Variants in TEX11 observed in about 807,000 individuals in gnomAD.
TEX11 encodes the protein testis expressed 11.
In TEX11, 7 loss-of-function variants were observed where a neutral mutation model predicts 84.4. The observed-to-expected ratio is 0.08, with a 90% confidence interval of 0.05 to 0.16. TEX11 has a LOEUF of 0.16. Among genes scored for constraint, TEX11 ranks in the 10% least tolerant of loss-of-function variants. The pLI is 1.00. For missense variants in TEX11, 551 were observed against 660.5 expected (o/e 0.83, Z 1.82); for synonymous variants, 264 against 222.8 (o/e 1.18, Z -1.64).
At chrX:70,896,151 A>G (rs745689560) in intron 2 of TEX11, among the ~76,000 whole-genome samples, 3 of 112,550 alleles carry the variant, frequency 2.7e-5, no homozygotes, top group Non-Finnish European at 5.6e-5. Flanking sequence ...TCCAGAATCT[A>G]CAAGGACCTT....
At chrX:70,649,589 A>T (rs751753709) in intron 17 of TEX11, among the ~76,000 whole-genome samples, 2 of 111,843 alleles carry the variant, frequency 1.8e-5, no homozygotes, top group African/African-American at 6.5e-5. Flanking sequence ...CCACTCCTAG[A>T]TATTTACCCT....
At chrX:70,726,805 A>G (rs746034405) in intron 11 of TEX11, among the ~76,000 whole-genome samples, 1 of 108,469 alleles carries the variant, frequency 9.2e-6, no homozygotes, top group Non-Finnish European at 1.9e-5. Context: ...TGCAGGGATT[A>G]CAGGCATGAG....
intron 13 of TEX11, among the ~76,000 whole-genome samples, chrX:70,711,602 C>T (rs1418645283): frequency 8.0e-5 from 9 of 111,834 alleles, no homozygotes; most frequent in South Asian, 3.7e-4. Flanking sequence ...GAGAAGTGTC[C>T]ATTCATATCC....
intron 9 of TEX11, among the ~76,000 whole-genome samples, chrX:70,752,619 C>G (rs966294560): frequency 9.2e-6 from 1 of 108,420 alleles, no homozygotes; most frequent in Admixed American, 9.9e-5. Flanking sequence ...AAAATATTCA[C>G]CTAAGATCAG....
chrX:70,644,907 A>G (rs1194262085), intron 17 of TEX11, among the ~76,000 whole-genome samples: 1 of 107,325 alleles, frequency 9.3e-6, no homozygotes, highest in African/African-American at 3.4e-5. Context: ...ATGTACCCTA[A>G]AACTTAAAGT....
chrX:70,707,500 C>T (rs1014200424), intron 13 of TEX11, among the ~76,000 whole-genome samples: 4 of 110,483 alleles, frequency 3.6e-5, no homozygotes, highest in Non-Finnish European at 7.6e-5. Context: ...TTTCTAAGAC[C>T]CCACCTCCTC....
intron 14 of TEX11, among the ~76,000 whole-genome samples, chrX:70,679,548 G>A (rs1446777275): frequency 3.6e-5 from 4 of 110,254 alleles, no homozygotes; most frequent in Admixed American, 9.5e-5. Context: ...GTCTCTGCCC[G>A]GCCGCCCCGT....
intron 15 of TEX11, among the ~76,000 whole-genome samples, chrX:70,677,005 T>A (rs2147646727): frequency 8.9e-6 from 1 of 112,433 alleles, no homozygotes; most frequent in East Asian, 2.8e-4. Flanking sequence ...CTGTTAATGC[T>A]AACTTCTATG....
chrX:70,897,630 AGGAAGGAAGGAAGGAAGGAAGG>A, intron 2 of TEX11: 2 of 88,169 alleles, frequency 2.3e-5, no homozygotes, highest in Admixed American at 2.7e-4. Context: ...GAAGGAAGGA[AGGAAGGAAGGAAGGAAGGAAGG>A]AAGGAAGGAA....
At chrX:70,701,277 T>G (rs981812270) in intron 13 of TEX11, among the ~76,000 whole-genome samples, 1 of 112,256 alleles carries the variant, frequency 8.9e-6, no homozygotes, top group African/African-American at 3.2e-5. Context: ...CACTCTCTTG[T>G]TAGAGACTAA....
intron 9 of TEX11, among the ~76,000 whole-genome samples, chrX:70,745,306 G>A (rs1020828233): frequency 2.3e-4 from 25 of 110,285 alleles, no homozygotes; most frequent in African/African-American, 8.3e-4. Context: ...TAGTTTCAAG[G>A]TTTCAAAACC....
At chrX:70,811,226 C>T (rs1426806150) in intron 8 of TEX11, among the ~76,000 whole-genome samples, 1 of 102,804 alleles carries the variant, frequency 9.7e-6, no homozygotes, top group Non-Finnish European at 2.0e-5. Context: ...CTTCCTGTGT[C>T]CAAGTGTTCT....
At chrX:70,818,115 C>T (rs1343084592) in intron 8 of TEX11, among the ~76,000 whole-genome samples, 1 of 110,933 alleles carries the variant, frequency 9.0e-6, no homozygotes, top group Non-Finnish European at 1.9e-5. Context: ...ATGGCGAAAC[C>T]CCATCTCTAT....
At chrX:70,644,652 C>T (rs2089715876) in intron 17 of TEX11, among the ~76,000 whole-genome samples, 1 of 94,381 alleles carries the variant, frequency 1.1e-5, no homozygotes, top group Non-Finnish European at 2.1e-5. Flanking sequence ...AATCATCATT[C>T]TCAGTAAACT....
intron 9 of TEX11, among the ~76,000 whole-genome samples, chrX:70,757,152 C>T (rs1220852514): frequency 8.9e-6 from 1 of 112,055 alleles, no homozygotes; most frequent in African/African-American, 3.2e-5. Flanking sequence ...GACTGGTGTT[C>T]CTGAAACTGA....
chrX:70,844,303 C>T (rs934231306), intron 7 of TEX11, among the ~76,000 whole-genome samples: 10 of 109,176 alleles, frequency 9.2e-5, no homozygotes, highest in Non-Finnish European at 1.5e-4. Context: ...GAGTTCATGT[C>T]CTTTGTAGGG....
chrX:70,710,866 C>A (rs890554720), intron 13 of TEX11, among the ~76,000 whole-genome samples: 93 of 110,633 alleles, frequency 8.4e-4, no homozygotes, highest in Non-Finnish European at 1.5e-3. Flanking sequence ...TATACATGTG[C>A]CATGTTGGTG....
intron 16 of TEX11, among the ~76,000 whole-genome samples, chrX:70,657,350 A>G (rs1297674418): frequency 9.1e-6 from 1 of 110,136 alleles, no homozygotes; most frequent in African/African-American, 3.3e-5. Flanking sequence ...AAGTAGTAAC[A>G]CTTTCTAAAT....
intron 7 of TEX11, among the ~76,000 whole-genome samples, chrX:70,843,938 C>CG (rs1556157804): frequency 6.3e-5 from 7 of 111,091 alleles, no homozygotes; most frequent in African/African-American, 2.3e-4. Context: ...GTTAGAATGG[C>CG]ATCATTAAAA....
Sources: allele counts gnomAD v4.1 joint callset (sites outside exome capture counted in the v4.1 genomes callset), GRCh38; gene constraint gnomAD v4.1.1; transcripts MANE v1.5; gene names NCBI Gene and HGNC (gene_info 2026-07-23, HGNC 2026-07-21).